The following CD86 variants were observed in gnomAD, a reference collection of about 807,000 sequenced individuals.
CD86 encodes the protein T-lymphocyte activation antigen CD86.
Under a neutral mutation model 32.1 loss-of-function variants are expected in CD86, and 11 were observed. The ratio of observed to expected loss-of-function variants is 0.34; its 90% CI spans 0.22 to 0.57. The LOEUF (loss-of-function observed/expected upper bound fraction) is 0.57. CD86 is among the 20% of genes least tolerant of loss of function. The pLI is 0.86. For synonymous variants in CD86, 137 were observed against 135.3 expected, an observed-to-expected ratio of 1.01 and a Z score of -0.09; for missense variants, 359 against 398.4, an observed-to-expected ratio of 0.90 and a Z score of 0.84.
chr3:122,092,162 C>A (rs75960932), intron 2 of CD86: 3,298 of 152,742 alleles, frequency 0.022, 123 homozygotes, highest in African/African-American at 0.072. Flanking sequence ...ATGCACATAC[C>A]TCATGGTTGC....
chr3:122,095,319 C>T (rs1461023553), intron 2 of CD86, among the ~76,000 whole-genome samples: 1 of 151,928 alleles, frequency 6.6e-6, no homozygotes, highest in African/African-American at 2.4e-5. Flanking sequence ...TTACACCTAC[C>T]ACCACAAAAT....
At chr3:122,066,130 G>A (rs1448642567) in intron 1 of CD86, among the ~76,000 whole-genome samples, 2 of 152,066 alleles carry the variant, frequency 1.3e-5, no homozygotes, top group Non-Finnish European at 2.9e-5. Flanking sequence ...CACTCTTCAG[G>A]CATTGGCTGA....
chr3:122,118,290 C>T (rs1292405358), intron 6 of CD86, among the ~76,000 whole-genome samples, 197 bp downstream of exon 6: 2 of 152,108 alleles, frequency 1.3e-5, no homozygotes, highest in Non-Finnish European at 2.9e-5. Flanking sequence ...ATGCACAATG[C>T]CCAGAAAGCA....
intron 1 of CD86, among the ~76,000 whole-genome samples, chr3:122,089,415 G>A (rs1025048466): frequency 7.2e-5 from 11 of 152,148 alleles, no homozygotes; most frequent in East Asian, 3.9e-4. Context: ...TAGAAAACAC[G>A]TTGGCAAAAG....
chr3:122,056,354 G>A (rs1157837118), intron 1 of CD86, among the ~76,000 whole-genome samples: 6 of 152,076 alleles, frequency 3.9e-5, no homozygotes, highest in Admixed American at 1.3e-4. Flanking sequence ...ATTTATTTTT[G>A]AAACAGAGTC....
At chr3:122,103,471 C>G in intron 2 of CD86, 41 bp from the exon 3 acceptor site, 1 of 1,397,666 alleles carries the variant, frequency 7.2e-7, no homozygotes, top group Non-Finnish European at 9.8e-7. Context: ...TTCCCCTTTC[C>G]TCTTGTTTCT....
At chr3:122,070,165 G>A (rs914181298) in intron 1 of CD86, among the ~76,000 whole-genome samples, 1 of 152,130 alleles carries the variant, frequency 6.6e-6, no homozygotes, top group African/African-American at 2.4e-5. Context: ...ATACCTCTTG[G>A]TGTCCCTTGC....
chr3:122,078,920 G>A (rs2072591705), intron 1 of CD86, among the ~76,000 whole-genome samples: 1 of 152,208 alleles, frequency 6.6e-6, no homozygotes, highest in Non-Finnish European at 1.5e-5. Flanking sequence ...TGCAGTTCGT[G>A]TTATGTCTGC....
chr3:122,112,166 T>C (rs1482369569), intron 5 of CD86, among the ~76,000 whole-genome samples: 1 of 152,206 alleles, frequency 6.6e-6, no homozygotes, highest in Non-Finnish European at 1.5e-5. Flanking sequence ...TTGGGTCTTG[T>C]GTGACTGAAA....
chr3:122,080,584 A>C (rs1220351129), intron 1 of CD86, among the ~76,000 whole-genome samples: 1 of 152,114 alleles, frequency 6.6e-6, no homozygotes, highest in East Asian at 1.9e-4. Flanking sequence ...CTCTGCACCT[A>C]CTCATCCTTG....
chr3:122,106,567 C>T, intron 4 of CD86, 67 bp downstream of exon 4: 1 of 1,372,932 alleles, frequency 7.3e-7, no homozygotes, highest in Non-Finnish European at 1.0e-6. Context: ...GGCAGATCAT[C>T]CAATGTCCCC....
At chr3:122,069,399 C>T (rs2072457980) in intron 1 of CD86, among the ~76,000 whole-genome samples, 1 of 152,050 alleles carries the variant, frequency 6.6e-6, no homozygotes, top group African/African-American at 2.4e-5. Context: ...AAAGGTAAAG[C>T]ATGAAAATGT....
intron 2 of CD86, among the ~76,000 whole-genome samples, chr3:122,092,672 G>A (rs544472578): frequency 2.6e-5 from 4 of 152,112 alleles, no homozygotes; most frequent in Non-Finnish European, 5.9e-5. Context: ...ACCCCTTCCT[G>A]CTGCTCCTTG....
intron 5 of CD86, among the ~76,000 whole-genome samples, chr3:122,112,750 A>G (rs2107547708): frequency 6.6e-6 from 1 of 152,284 alleles, no homozygotes; most frequent in East Asian, 1.9e-4. Flanking sequence ...TCATGGGTAT[A>G]AAAGGATAAT....
At chr3:122,117,516 A>T (rs2073273085) in intron 5 of CD86, among the ~76,000 whole-genome samples, 1 of 152,204 alleles carries the variant, frequency 6.6e-6, no homozygotes, top group African/African-American at 2.4e-5. Context: ...TTACATCCCA[A>T]GTTGTGTCAG....
At chr3:122,063,648 G>T (rs373175148) in intron 1 of CD86, among the ~76,000 whole-genome samples, 1 of 150,608 alleles carries the variant, frequency 6.6e-6, no homozygotes. Flanking sequence ...ACCTAGGCTG[G>T]AGTGCAGTAG....
chr3:122,074,111 C>T (rs1403418403), intron 1 of CD86, among the ~76,000 whole-genome samples: 2 of 152,206 alleles, frequency 1.3e-5, no homozygotes, highest in African/African-American at 2.4e-5. Context: ...TCCCTGCCCC[C>T]ATGCCACAGT....
At chr3:122,084,140 C>T (rs1445001495) in intron 1 of CD86, among the ~76,000 whole-genome samples, 1 of 152,184 alleles carries the variant, frequency 6.6e-6, no homozygotes. Flanking sequence ...GTGCCCGCCA[C>T]TATGCCCAGC....
chr3:122,110,058 T>A (rs988594603), intron 5 of CD86, among the ~76,000 whole-genome samples: 5 of 152,242 alleles, frequency 3.3e-5, no homozygotes, highest in Non-Finnish European at 7.3e-5. Context: ...ATTAGGATTA[T>A]CATAAGGGTT....
Sources: allele counts gnomAD v4.1 joint callset (sites outside exome capture counted in the v4.1 genomes callset), GRCh38; gene constraint gnomAD v4.1.1; transcripts MANE v1.5; gene names NCBI Gene and HGNC (gene_info 2026-07-23, HGNC 2026-07-21).